The following XRCC5 variants were observed in gnomAD, a reference collection of about 807,000 sequenced individuals.
XRCC5 encodes the protein DNA repair protein Ku80.
Under a neutral mutation model 95.7 loss-of-function variants are expected in XRCC5, and 12 were observed. The ratio of observed to expected loss-of-function variants is 0.13; its 90% CI spans 0.08 to 0.20. The LOEUF (loss-of-function observed/expected upper bound fraction) is 0.20, where lower values mean the gene tolerates loss of function less well. Ranked by LOEUF, XRCC5 falls within the 10% of genes least tolerant of loss-of-function variation. The probability of loss-of-function intolerance (pLI) is 1.00; values close to 1 mark genes in which losing one functional copy is unlikely to be tolerated. For missense variants in XRCC5, 595 were observed against 873.9 expected (o/e 0.68, Z 4.02); for synonymous variants, 281 against 290.3 (o/e 0.97, Z 0.33).
chr2:216,153,847 G>A (rs1033544664), intron 14 of XRCC5, among the ~76,000 whole-genome samples: 11 of 152,072 alleles, frequency 7.2e-5, no homozygotes, highest in Non-Finnish European at 1.2e-4. Flanking sequence ...TCTTCAGCTC[G>A]GATTTCTATC....
At chr2:216,135,850 G>A (rs1276330725) in intron 10 of XRCC5, among the ~76,000 whole-genome samples, 1 of 151,804 alleles carries the variant, frequency 6.6e-6, no homozygotes, top group East Asian at 1.9e-4. Context: ...ATCAAAGACC[G>A]GGGTTTCCAG....
chr2:216,194,060 G>A (rs1689669770), intron 18 of XRCC5, among the ~76,000 whole-genome samples: 1 of 152,158 alleles, frequency 6.6e-6, no homozygotes, highest in South Asian at 2.1e-4. Context: ...AAAATGCATG[G>A]CGTAGTTCCA....
chr2:216,180,502 T>C (rs919889866), intron 16 of XRCC5, among the ~76,000 whole-genome samples: 3 of 152,176 alleles, frequency 2.0e-5, no homozygotes, highest in African/African-American at 7.2e-5. Context: ...GGCTTGGGCC[T>C]GTAGTCCCAG....
chr2:216,178,917 A>T (rs1689329547), intron 16 of XRCC5, among the ~76,000 whole-genome samples: 1 of 152,246 alleles, frequency 6.6e-6, no homozygotes, highest in South Asian at 2.1e-4. Flanking sequence ...CCATTTATTC[A>T]TCCATTCAAC....
chr2:216,123,745 G>A (rs994002670), intron 6 of XRCC5, among the ~76,000 whole-genome samples: 1 of 152,226 alleles, frequency 6.6e-6, no homozygotes, highest in African/African-American at 2.4e-5. Context: ...GGCGGAGGTT[G>A]CAATGAGCCA....
chr2:216,154,963 T>C (rs1017513509), intron 14 of XRCC5, among the ~76,000 whole-genome samples: 5 of 151,674 alleles, frequency 3.3e-5, no homozygotes, highest in African/African-American at 1.2e-4. Context: ...AATGAACTTA[T>C]TAAAAAAAAC....
At chr2:216,116,271 CTTT>C in intron 2 of XRCC5, among the ~76,000 whole-genome samples, 1 of 148,596 alleles carries the variant, frequency 6.7e-6, no homozygotes, top group African/African-American at 2.5e-5. Context: ...CTATCCTGCA[CTTT>C]TTTTTTTAAC....
chr2:216,137,143 T>C lies in XRCC5; in HGVS notation c.1169T>C (p.Val390Ala). 1 of 1,614,102 alleles carries C rather than the reference T, an allele frequency of 6.2e-7. No homozygotes were observed. Among genetic ancestry groups the C allele is most frequent in the South Asian group, 1.1e-5 (1 of 91,060 alleles). Residue 390 changes from valine to alanine, a missense_variant, in exon 11 of 21, where the codon GTG becomes GCG. By Grantham distance (64) the Val-to-Ala change is moderately conservative. Coordinates refer to ENST00000392132, the MANE Select transcript of XRCC5 (RefSeq NM_021141.4). ...CATGCTTTGGATGACTTAGACATGG[T>C]GGCCATAGTTCGATATGCTTATGAC... ...LIHALDDLDM[V>A]AIVRYAYDKR... is the part of the protein sequence containing the mutation.
intron 16 of XRCC5, chr2:216,174,755 A>G (rs1439480586): frequency 1.1e-5 from 2 of 185,218 alleles, no homozygotes; most frequent in Admixed American, 6.0e-5. Flanking sequence ...TTTTCTGACC[A>G]TGGATCACCA....
chr2:216,184,743 A>G (rs1414043321), intron 16 of XRCC5, among the ~76,000 whole-genome samples: 1 of 152,196 alleles, frequency 6.6e-6, no homozygotes, highest in African/African-American at 2.4e-5. Context: ...GGCCTCCCAA[A>G]GTGCTGTGAT....
intron 14 of XRCC5, chr2:216,156,704 C>T (rs1688849658): frequency 7.4e-6 from 4 of 539,814 alleles, no homozygotes; most frequent in African/African-American, 1.9e-5. Flanking sequence ...ATGATTTGTA[C>T]TACACAGCTG....
At position 216,141,329 on chromosome 2, in the gene XRCC5, G is replaced by A; in HGVS notation, c.1476+10G>A. On this transcript the variant is annotated intron_variant, in intron 13 of 20. Transcript: ENST00000392132. ...TCAGAGATTATTTCAGGTAAGAGAA[G>A]AAGGATGAACAAGTCATATTTCTTT... 1 of 1,613,864 alleles carries A rather than the reference G, an allele frequency of 6.2e-7. No homozygotes were observed.
At chr2:216,114,036 TG>T (rs964449322) in intron 2 of XRCC5, among the ~76,000 whole-genome samples, 11 of 152,318 alleles carry the variant, frequency 7.2e-5, no homozygotes, top group Admixed American at 2.6e-4. Flanking sequence ...GTGGCTATCT[TG>T]GAGGTTAGCT....
At chr2:216,111,525 A>G (rs1268118656) in intron 1 of XRCC5, 1 of 285,580 alleles carries the variant, frequency 3.5e-6, no homozygotes, top group Non-Finnish European at 7.2e-6. Flanking sequence ...ATGTCTCAAA[A>G]AAAAGGAAAA....
At chr2:216,172,471 T>G (rs905690736) in intron 16 of XRCC5, among the ~76,000 whole-genome samples, 2 of 137,438 alleles carry the variant, frequency 1.5e-5, no homozygotes, top group Non-Finnish European at 3.2e-5. Flanking sequence ...TTTCTTTTCT[T>G]TTTTTTTTTT....
intron 8 of XRCC5, among the ~76,000 whole-genome samples, chr2:216,129,416 T>C (rs1696946933): frequency 6.6e-6 from 1 of 152,222 alleles, no homozygotes; most frequent in Non-Finnish European, 1.5e-5. Flanking sequence ...CTATTGTAAG[T>C]ATACAATGTA....
chr2:216,179,689 G>A (rs1459316146), intron 16 of XRCC5, among the ~76,000 whole-genome samples: 2 of 152,170 alleles, frequency 1.3e-5, no homozygotes, highest in African/African-American at 4.8e-5. Context: ...CATCAGGGAG[G>A]TCCGTGTGAC....
At position 216,116,756 on chromosome 2, in the gene XRCC5, C is replaced by G. The variant is rs537716800; in HGVS notation, c.233C>G (p.Thr78Arg). 6.2e-7 allele frequency: 1 copy of G among 1,614,236 alleles called. No individual in the cohort carries two copies. The highest frequency in any genetic ancestry group is 1.7e-5 in the Admixed American group (1 of 60,026). The change falls in exon 3 of 21, where the codon ACA (threonine) becomes AGA (arginine). Residue 78 changes from threonine to arginine, a missense_variant. Transcript: ENST00000392132. ...LSGGDQYQNITVHRHLMLPDF... is the reference protein window; with the variant it reads ...LSGGDQYQNIRVHRHLMLPDF... ...GGTGGGGATCAGTATCAGAACATCA[C>G]AGTGCACAGACATCTGATGCTACCA...
chr2:216,192,115 C>T (rs1689624821), intron 17 of XRCC5, among the ~76,000 whole-genome samples: 1 of 152,190 alleles, frequency 6.6e-6, no homozygotes, highest in Admixed American at 6.5e-5. Context: ...TCTCCTGCCT[C>T]AGCCTTCCAA....
Sources: gnomAD v4.1 joint callset for allele counts (sites outside exome capture counted in the v4.1 genomes callset) on GRCh38, gnomAD v4.1.1 for gene constraint, MANE v1.5 for transcripts, NCBI Gene and HGNC (gene_info 2026-07-23, HGNC 2026-07-21) for gene names.